ELOVL6: variants seen among roughly 807,000 people sequenced by gnomAD.
ELOVL6 encodes the protein ELOVL fatty acid elongase 6, also known as very long chain fatty acid elongase 6.
Under a neutral mutation model 31.7 loss-of-function variants are expected in ELOVL6, and 8 were observed. The observed-to-expected ratio is 0.25, with a 90% CI of 0.15 to 0.45. The LOEUF (loss-of-function observed/expected upper bound fraction) is 0.45. ELOVL6 is among the 20% of genes least tolerant of loss of function. The pLI is 1.00. For missense variants in ELOVL6, 126 were observed against 326.4 expected, an observed-to-expected ratio of 0.39 and a Z score of 4.73; for synonymous variants, 101 against 117.7, an observed-to-expected ratio of 0.86 and a Z score of 0.92.
intron 1 of ELOVL6, among the ~76,000 whole-genome samples, chr4:110,148,123 A>G (rs1758177222): frequency 6.6e-6 from 1 of 151,972 alleles, no homozygotes; most frequent in Non-Finnish European, 1.5e-5. Flanking sequence ...AAAAAAAAAA[A>G]AAAAAAGCCA....
At chr4:110,056,130 G>GGGGC (rs893626965) in intron 3 of ELOVL6, among the ~76,000 whole-genome samples, 1 of 126,456 alleles carries the variant, frequency 7.9e-6, no homozygotes. Flanking sequence ...GCTGGGGGGG[G>GGGGC]GGATACAGTT....
At chr4:110,167,688 T>C (rs1296658042) in intron 1 of ELOVL6, among the ~76,000 whole-genome samples, 1 of 151,514 alleles carries the variant, frequency 6.6e-6, no homozygotes, top group Non-Finnish European at 1.5e-5. Flanking sequence ...TATGTATGTA[T>C]GTATGTATGT....
At chr4:110,094,627 G>A (rs1756527058) in intron 2 of ELOVL6, among the ~76,000 whole-genome samples, 1 of 151,140 alleles carries the variant, frequency 6.6e-6, no homozygotes, top group African/African-American at 2.4e-5. Context: ...AAGGAGGCAA[G>A]AGTGGCTGAG....
At chr4:110,096,686 G>A (rs1443894696) in intron 2 of ELOVL6, among the ~76,000 whole-genome samples, 1 of 152,132 alleles carries the variant, frequency 6.6e-6, no homozygotes, top group Non-Finnish European at 1.5e-5. Flanking sequence ...TTCCTGGTGA[G>A]CAGGAAGAAG....
At chr4:110,080,084 T>C (rs1755785343) in intron 2 of ELOVL6, among the ~76,000 whole-genome samples, 1 of 150,878 alleles carries the variant, frequency 6.6e-6, no homozygotes, top group Admixed American at 6.6e-5. Flanking sequence ...GGCTCTGAAA[T>C]TGAGGCAATA....
At chr4:110,106,664 C>CCG (rs1229382454) in intron 1 of ELOVL6, among the ~76,000 whole-genome samples, 2 of 152,118 alleles carry the variant, frequency 1.3e-5, no homozygotes, top group Non-Finnish European at 2.9e-5. Context: ...AGCTTCTTAA[C>CCG]TATATCCTGT....
intron 2 of ELOVL6, among the ~76,000 whole-genome samples, chr4:110,102,973 G>A (rs1183973132): frequency 1.3e-5 from 2 of 152,138 alleles, no homozygotes; most frequent in Admixed American, 6.5e-5. Flanking sequence ...CGAATCATAG[G>A]GGCTGGTCTT....
At chr4:110,105,693 C>A in intron 1 of ELOVL6, 65 bp from the exon 2 acceptor site, 1 of 1,463,200 alleles carries the variant, frequency 6.8e-7, no homozygotes, top group Non-Finnish European at 9.4e-7. Flanking sequence ...AATTTTGTAC[C>A]AGTTCTCCTC....
intron 2 of ELOVL6, among the ~76,000 whole-genome samples, chr4:110,066,816 G>C (rs1036797659): frequency 8.5e-5 from 13 of 152,070 alleles, no homozygotes; most frequent in African/African-American, 1.7e-4. Context: ...TGCTACATAG[G>C]TATACATGTG....
At chr4:110,161,299 A>T (rs1758624656) in intron 1 of ELOVL6, among the ~76,000 whole-genome samples, 1 of 152,224 alleles carries the variant, frequency 6.6e-6, no homozygotes, top group African/African-American at 2.4e-5. Flanking sequence ...TATGTATTAT[A>T]TACTAGCATT....
chr4:110,077,571 C>T (rs556020442), intron 2 of ELOVL6, among the ~76,000 whole-genome samples: 49 of 152,256 alleles, frequency 3.2e-4, no homozygotes, highest in African/African-American at 1.1e-3. Context: ...AGGACATCCA[C>T]ACCAAAACTC....
chr4:110,054,657 A>G (rs1754929196), intron 3 of ELOVL6, among the ~76,000 whole-genome samples: 1 of 152,212 alleles, frequency 6.6e-6, no homozygotes, highest in African/African-American at 2.4e-5. Context: ...CTTTTATATT[A>G]AAATTTTATT....
At chr4:110,073,667 G>A (rs1269746453) in intron 2 of ELOVL6, among the ~76,000 whole-genome samples, 1 of 152,074 alleles carries the variant, frequency 6.6e-6, no homozygotes, top group African/African-American at 2.4e-5. Context: ...TGAAATGTAA[G>A]CATTGAGGAA....
chr4:110,136,495 A>G (rs2126259419), intron 1 of ELOVL6, among the ~76,000 whole-genome samples: 1 of 152,304 alleles, frequency 6.6e-6, no homozygotes, highest in South Asian at 2.1e-4. Flanking sequence ...AGATACAATC[A>G]CCTATATTAG....
rs1025206682 is a variant in ELOVL6 at position 110,048,285 on chromosome 4, C to T, written c.*3053G>A. The T allele has an allele frequency of 5.9e-5, 9 of 152,302 alleles. No individual in the cohort carries two copies. The highest frequency in any genetic ancestry group is 1.2e-4 in the Non-Finnish European group (8 of 68,030). 9.4% of individuals were successfully genotyped at this position (152,302 alleles called of 1,614,324 possible). Reference sequence around the variant, plus strand: ...TTTCCCATAAGCAACACTAGAAGGTCCACGTAAACCCCCTGCTTTATGAAT... The same window carrying T: ...TTTCCCATAAGCAACACTAGAAGGTTCACGTAAACCCCCTGCTTTATGAAT... On this transcript the variant is annotated 3_prime_UTR_variant, in exon 4 of 4. Transcript: ENST00000302274.
chr4:110,197,303 C>G (rs138886590), intron 1 of ELOVL6, among the ~76,000 whole-genome samples: 2 of 152,338 alleles, frequency 1.3e-5, no homozygotes, highest in African/African-American at 4.8e-5. Context: ...AGCACACCCT[C>G]CTCTGTTAAA....
At chr4:110,059,475 A>C (rs565336328) in intron 3 of ELOVL6, 128 bp downstream of exon 3, 53 of 958,522 alleles carry the variant, frequency 5.5e-5, no homozygotes, top group Non-Finnish European at 8.0e-5. Flanking sequence ...CAAGAACTCA[A>C]ATTCATTCAT....
At chr4:110,120,876 C>T (rs1560832014) in intron 1 of ELOVL6, among the ~76,000 whole-genome samples, 1 of 148,784 alleles carries the variant, frequency 6.7e-6, no homozygotes, top group Non-Finnish European at 1.5e-5. Context: ...TTTTGGCTCA[C>T]TGCAACCTCT....
intron 2 of ELOVL6, among the ~76,000 whole-genome samples, chr4:110,075,659 A>G (rs1339826078): frequency 6.6e-6 from 1 of 152,206 alleles, no homozygotes; most frequent in Non-Finnish European, 1.5e-5. Context: ...GTTTTATAAG[A>G]TGAAAAAGTT....
Sources: gnomAD v4.1 joint callset for allele counts (sites outside exome capture counted in the v4.1 genomes callset) on GRCh38, gnomAD v4.1.1 for gene constraint, MANE v1.5 for transcripts, NCBI Gene and HGNC (gene_info 2026-07-23, HGNC 2026-07-21) for gene names.